Variants in ARFIP1 observed in about 807,000 individuals in gnomAD.
ARFIP1 encodes arfaptin-1.
Under a neutral mutation model 42.5 loss-of-function variants are expected in ARFIP1, and 24 were observed. The ratio of observed to expected loss-of-function variants is 0.57; its 90% CI spans 0.41 to 0.80. The LOEUF (loss-of-function observed/expected upper bound fraction) is 0.80. ARFIP1 is among the 30% of genes least tolerant of loss of function. ARFIP1 has a pLI of 0.00. For synonymous variants in ARFIP1, 141 were observed against 153.7 expected (o/e 0.92, Z 0.61); for missense variants, 354 against 434.0 (o/e 0.82, Z 1.64).
intron 2 of ARFIP1, among the ~76,000 whole-genome samples, chr4:152,839,498 T>C (rs1731898390): frequency 6.6e-6 from 1 of 152,204 alleles, no homozygotes; most frequent in Non-Finnish European, 1.5e-5. Flanking sequence ...TCTTCCTGAT[T>C]TAAGCTAGGA....
intron 7 of ARFIP1, among the ~76,000 whole-genome samples, chr4:152,885,263 A>C (rs940707422): frequency 7.9e-5 from 12 of 152,096 alleles, no homozygotes; most frequent in Admixed American, 7.2e-4. Flanking sequence ...GATCAGTGCA[A>C]AAAGTGGTAA....
chr4:152,896,873 A>T (rs964956400), intron 8 of ARFIP1, among the ~76,000 whole-genome samples: 1 of 152,196 alleles, frequency 6.6e-6, no homozygotes, highest in African/African-American at 2.4e-5. Flanking sequence ...CTTAGCTCAA[A>T]ATTAGATGAT....
chr4:152,828,790 A>G (rs893523313), intron 1 of ARFIP1, among the ~76,000 whole-genome samples: 1 of 152,162 alleles, frequency 6.6e-6, no homozygotes, highest in Non-Finnish European at 1.5e-5. Flanking sequence ...CTAAGAAGTC[A>G]TCACCATACC....
intron 8 of ARFIP1, among the ~76,000 whole-genome samples, chr4:152,906,574 C>T (rs185990820): frequency 6.6e-6 from 1 of 152,348 alleles, no homozygotes. Context: ...GTCCAAGCCA[C>T]CATTACCTCA....
chr4:152,853,221 T>G (rs1323757098), intron 2 of ARFIP1, among the ~76,000 whole-genome samples: 1 of 152,254 alleles, frequency 6.6e-6, no homozygotes, highest in Non-Finnish European at 1.5e-5. Context: ...TTGGTGCCGT[T>G]TGAGTCTTTT....
intron 8 of ARFIP1, among the ~76,000 whole-genome samples, chr4:152,890,067 T>G (rs1206380410): frequency 6.6e-6 from 1 of 151,394 alleles, no homozygotes; most frequent in Non-Finnish European, 1.5e-5. Context: ...TTTTTGGCAT[T>G]CCACCCTATC....
chr4:152,852,167 A>G (rs1733043696), intron 2 of ARFIP1, among the ~76,000 whole-genome samples: 1 of 152,222 alleles, frequency 6.6e-6, no homozygotes, highest in Non-Finnish European at 1.5e-5. Flanking sequence ...TTAAACTTTG[A>G]ATTGAATGTC....
chr4:152,824,957 C>T (rs1337754600), intron 1 of ARFIP1, among the ~76,000 whole-genome samples: 2 of 151,554 alleles, frequency 1.3e-5, no homozygotes, highest in Non-Finnish European at 3.0e-5. Context: ...TATATATACA[C>T]ACACGCACAC....
At chr4:152,827,814 T>C (rs1578882264) in intron 1 of ARFIP1, among the ~76,000 whole-genome samples, 1 of 152,124 alleles carries the variant, frequency 6.6e-6, no homozygotes, top group Non-Finnish European at 1.5e-5. Flanking sequence ...TAGTTGGGAC[T>C]ACAGGAATGC....
intron 1 of ARFIP1, chr4:152,796,919 A>T (rs915599155): frequency 2.0e-5 from 7 of 357,882 alleles, no homozygotes; most frequent in Non-Finnish European, 3.5e-5. Context: ...TTCTTTATAT[A>T]TTAGCCTTTT....
intron 3 of ARFIP1, among the ~76,000 whole-genome samples, chr4:152,866,346 C>T (rs1374335940): frequency 6.6e-6 from 1 of 152,382 alleles, no homozygotes; most frequent in African/African-American, 2.4e-5. Context: ...CACAAAACCG[C>T]CATTGTCATC....
rs1385944114 is a variant in ARFIP1, at chr4:152,852,069, C to CT, written c.94-11537_94-11536insT. ...ATATTTTTAAAAACTATTAAATACT[C>CT]AAGCATTATGCTAAAAGCTTGAATA... On this transcript the variant is annotated intron_variant, in intron 2 of 8. Coordinates refer to ENST00000353617, the MANE Select transcript of ARFIP1 (RefSeq NM_001025595.3). Among the ~76,000 whole-genome samples, 4 of 152,222 alleles carry CT rather than the reference C, an allele frequency of 2.6e-5. No homozygotes were observed. The East Asian group carries it at 7.8e-4, about 30-fold the overall frequency.
chr4:152,822,612 T>G (rs1267705339), intron 1 of ARFIP1, among the ~76,000 whole-genome samples: 1 of 152,180 alleles, frequency 6.6e-6, no homozygotes, highest in Non-Finnish European at 1.5e-5. Context: ...AGAATAAACA[T>G]GATTCTCATC....
At chr4:152,796,187 T>C in intron 1 of ARFIP1, 1 of 767,970 alleles carries the variant, frequency 1.3e-6, no homozygotes, top group East Asian at 2.5e-5. Context: ...TTTACCTCAG[T>C]GACAGTCTTT....
At chr4:152,878,464 A>G (rs932769731) in intron 5 of ARFIP1, among the ~76,000 whole-genome samples, 8 of 152,206 alleles carry the variant, frequency 5.3e-5, no homozygotes, top group Admixed American at 3.3e-4. Context: ...TGGCAACTTT[A>G]TATCTTCTCA....
chr4:152,849,973 T>G (rs926332018), intron 2 of ARFIP1, among the ~76,000 whole-genome samples: 40 of 148,154 alleles, frequency 2.7e-4, no homozygotes, highest in African/African-American at 8.2e-4. Context: ...GTCTAAAATG[T>G]CTTTTATCTG....
At chr4:152,907,231 G>A (rs1253685949) in intron 8 of ARFIP1, among the ~76,000 whole-genome samples, 1 of 152,132 alleles carries the variant, frequency 6.6e-6, no homozygotes, top group African/African-American at 2.4e-5. Flanking sequence ...ATGAATGGAG[G>A]TAAGTAACAT....
At chr4:152,909,968 G>A in intron 8 of ARFIP1, 96 bp from the exon 9 acceptor site, 1 of 1,449,778 alleles carries the variant, frequency 6.9e-7, no homozygotes. Flanking sequence ...TTCTTCAAGA[G>A]AGATACACTA....
intron 2 of ARFIP1, among the ~76,000 whole-genome samples, chr4:152,842,002 G>A (rs969522668): frequency 6.6e-6 from 1 of 152,120 alleles, no homozygotes; most frequent in Admixed American, 6.6e-5. Context: ...GTTGAGAGCG[G>A]GGACTGAGAG....
Sources: gnomAD v4.1 joint callset for allele counts (sites outside exome capture counted in the v4.1 genomes callset) on GRCh38, gnomAD v4.1.1 for gene constraint, MANE v1.5 for transcripts, NCBI Gene and HGNC (gene_info 2026-07-23, HGNC 2026-07-21) for gene names.